IFT81: variants seen among roughly 807,000 people sequenced by gnomAD.
IFT81 encodes intraflagellar transport protein 81 homolog.
Under a neutral mutation model 102.6 loss-of-function variants are expected in IFT81, and 72 were observed. The ratio of observed to expected loss-of-function variants is 0.70; its 90% CI spans 0.58 to 0.85. IFT81 has a LOEUF of 0.85. IFT81 is among the 40% of genes least tolerant of loss of function. The pLI, the probability that IFT81 is intolerant of heterozygous loss-of-function variation, is 0.00. For missense variants in IFT81, 723 were observed against 787.3 expected, an observed-to-expected ratio of 0.92 and a Z score of 0.98; for synonymous variants, 237 against 242.7, an observed-to-expected ratio of 0.98 and a Z score of 0.22.
chr12:110,179,218 T>G (rs1897179059), intron 11 of IFT81, among the ~76,000 whole-genome samples: 1 of 152,160 alleles, frequency 6.6e-6, no homozygotes. Context: ...ATGGTTCCGG[T>G]TGGCTATATT....
At chr12:110,144,485 G>A (rs1474098969) in intron 9 of IFT81, among the ~76,000 whole-genome samples, 1 of 151,876 alleles carries the variant, frequency 6.6e-6, no homozygotes, top group Non-Finnish European at 1.5e-5. Context: ...AAAGTGCTGG[G>A]ATTACAGGCA....
intron 10 of IFT81, among the ~76,000 whole-genome samples, chr12:110,150,029 C>T (rs1489341904): frequency 6.6e-6 from 1 of 152,176 alleles, no homozygotes; most frequent in Non-Finnish European, 1.5e-5. Context: ...CCCAGCACTT[C>T]CCTGCCCCAC....
chr12:110,138,736 G>A (rs1894669266), intron 8 of IFT81, among the ~76,000 whole-genome samples: 1 of 152,118 alleles, frequency 6.6e-6, no homozygotes, highest in South Asian at 2.1e-4. Flanking sequence ...CCCGGCTGAG[G>A]CTAATCATTG....
chr12:110,189,290 A>G (rs1192675849), intron 12 of IFT81, among the ~76,000 whole-genome samples: 1 of 151,990 alleles, frequency 6.6e-6, no homozygotes. Context: ...TCACCAATTT[A>G]TATCTCCAGC....
At chr12:110,215,639 A>AT (rs1222478006) in intron 18 of IFT81, among the ~76,000 whole-genome samples, 56 of 145,728 alleles carry the variant, frequency 3.8e-4, no homozygotes, top group Admixed American at 6.2e-4. Context: ...TTAAAAAAAA[A>AT]TTTTTTTTTT....
At chr12:110,143,108 G>C (rs1264805797) in intron 8 of IFT81, among the ~76,000 whole-genome samples, 2 of 151,964 alleles carry the variant, frequency 1.3e-5, no homozygotes, top group South Asian at 2.1e-4. Flanking sequence ...CGTATTGCGG[G>C]ATATAAAAGA....
intron 8 of IFT81, among the ~76,000 whole-genome samples, chr12:110,142,746 A>C (rs910724967): frequency 6.6e-6 from 1 of 151,762 alleles, no homozygotes; most frequent in Non-Finnish European, 1.5e-5. Flanking sequence ...TACAAAAATT[A>C]CCTAGGCGTG....
intron 4 of IFT81, among the ~76,000 whole-genome samples, chr12:110,130,619 C>T (rs925052204): frequency 2.0e-5 from 3 of 151,962 alleles, no homozygotes; most frequent in Non-Finnish European, 2.9e-5. Context: ...CTGCCCACCT[C>T]GGGTTCCAAA....
chr12:110,193,437 C>T (rs555767504), intron 14 of IFT81, among the ~76,000 whole-genome samples: 6 of 152,070 alleles, frequency 3.9e-5, no homozygotes, highest in South Asian at 4.1e-4. Flanking sequence ...CTAGGAGGCA[C>T]GGTGCACAGC....
intron 12 of IFT81, among the ~76,000 whole-genome samples, chr12:110,187,824 C>T (rs1897604147): frequency 6.6e-6 from 1 of 152,098 alleles, no homozygotes; most frequent in Non-Finnish European, 1.5e-5. Flanking sequence ...ATATAGTTCT[C>T]GTACCTGTGG....
intron 11 of IFT81, among the ~76,000 whole-genome samples, chr12:110,171,325 T>C (rs747081310): frequency 9.9e-5 from 15 of 152,134 alleles, no homozygotes; most frequent in Non-Finnish European, 1.6e-4. Context: ...CCGTTAGAGA[T>C]AGTAACAGCT....
intron 5 of IFT81, among the ~76,000 whole-genome samples, chr12:110,134,457 A>G (rs1894363365): frequency 6.6e-6 from 1 of 152,206 alleles, no homozygotes; most frequent in African/African-American, 2.4e-5. Context: ...CTTTATTTTC[A>G]GAGACGGAAT....
chr12:110,136,157 G>T (rs1384433596), intron 7 of IFT81, among the ~76,000 whole-genome samples: 2 of 152,050 alleles, frequency 1.3e-5, no homozygotes, highest in Non-Finnish European at 2.9e-5. Context: ...TCATGAAAAG[G>T]CTCAAAATCA....
At chr12:110,187,012 C>T (rs1192401621) in intron 12 of IFT81, among the ~76,000 whole-genome samples, 1 of 149,686 alleles carries the variant, frequency 6.7e-6, no homozygotes, top group Non-Finnish European at 1.5e-5. Context: ...TTTTTTTCTA[C>T]TGTGCTATTT....
At chr12:110,172,613 T>A (rs914358751) in intron 11 of IFT81, among the ~76,000 whole-genome samples, 32 of 152,264 alleles carry the variant, frequency 2.1e-4, no homozygotes, top group African/African-American at 7.7e-4. Flanking sequence ...GGTCTCCAGC[T>A]CCTAACCGCG....
chr12:110,211,418 C>T (rs1235667964), intron 18 of IFT81, among the ~76,000 whole-genome samples: 2 of 151,970 alleles, frequency 1.3e-5, no homozygotes, highest in African/African-American at 4.8e-5. Flanking sequence ...CTCTTGATCT[C>T]CTGACCTCAT....
chr12:110,196,548 C>T (rs939950740), intron 14 of IFT81, among the ~76,000 whole-genome samples: 4 of 152,016 alleles, frequency 2.6e-5, no homozygotes, highest in African/African-American at 9.7e-5. Context: ...CAAAATCTTC[C>T]TGGTTAAAAA....
At chr12:110,163,604 C>T (rs1896270329) in intron 11 of IFT81, among the ~76,000 whole-genome samples, 1 of 149,024 alleles carries the variant, frequency 6.7e-6, no homozygotes, top group African/African-American at 2.5e-5. Flanking sequence ...TATTATGTTC[C>T]AAATTTTCAC....
intron 1 of IFT81, among the ~76,000 whole-genome samples, chr12:110,126,927 T>C (rs1358209320): frequency 1.3e-5 from 2 of 152,218 alleles, no homozygotes; most frequent in Non-Finnish European, 2.9e-5. Context: ...AAACTGGAAA[T>C]ACAGATTTTA....
Sources: allele counts gnomAD v4.1 joint callset (sites outside exome capture counted in the v4.1 genomes callset), GRCh38; gene constraint gnomAD v4.1.1; transcripts MANE v1.5; gene names NCBI Gene and HGNC (gene_info 2026-07-23, HGNC 2026-07-21).